TMEM132D: variants seen among roughly 807,000 people sequenced by gnomAD.
TMEM132D encodes mature OL transmembrane protein.
TMEM132D carries 21 observed loss-of-function variants against 62.3 expected under a neutral mutation model. The ratio of observed to expected loss-of-function variants is 0.34; its 90% CI spans 0.24 to 0.49. TMEM132D has a LOEUF of 0.49. Among genes scored for constraint, TMEM132D ranks in the 20% least tolerant of loss-of-function variants. The pLI is 0.99. For synonymous variants in TMEM132D, 621 were observed against 575.6 expected (o/e 1.08, Z -1.13); for missense variants, 1,346 against 1,402.8 (o/e 0.96, Z 0.65).
intron 3 of TMEM132D, among the ~76,000 whole-genome samples, chr12:129,518,564 T>TAC (rs1875750610): frequency 1.1e-5 from 1 of 89,062 alleles, no homozygotes; most frequent in African/African-American, 3.1e-5. Flanking sequence ...TGTGTATATA[T>TAC]ATACACACAC....
chr12:129,658,425 T>C (rs1880151279), intron 2 of TMEM132D, among the ~76,000 whole-genome samples: 1 of 152,238 alleles, frequency 6.6e-6, no homozygotes, highest in Non-Finnish European at 1.5e-5. Context: ...AACTTCTTAC[T>C]TAGTTTTGCA....
chr12:129,358,939 G>A (rs191259274), intron 3 of TMEM132D, among the ~76,000 whole-genome samples: 8 of 145,958 alleles, frequency 5.5e-5, no homozygotes, highest in Admixed American at 4.2e-4. Flanking sequence ...TGAGCTGTGG[G>A]TAGAAGAAAT....
chr12:129,607,532 G>A (rs965448867), intron 2 of TMEM132D, among the ~76,000 whole-genome samples: 7 of 152,156 alleles, frequency 4.6e-5, no homozygotes, highest in Admixed American at 3.9e-4. Context: ...TAGACTATCT[G>A]TCTTGGCCCA....
At chr12:129,680,517 C>T (rs1006838866) in intron 2 of TMEM132D, among the ~76,000 whole-genome samples, 3 of 152,128 alleles carry the variant, frequency 2.0e-5, no homozygotes, top group Non-Finnish European at 4.4e-5. Context: ...TGCTTATGAT[C>T]CATCTGCCTT....
intron 3 of TMEM132D, among the ~76,000 whole-genome samples, chr12:129,390,645 C>A (rs184213394): frequency 1.3e-5 from 2 of 152,146 alleles, no homozygotes; most frequent in Non-Finnish European, 2.9e-5. Flanking sequence ...CACAAGCCTG[C>A]GATTACCTCC....
intron 1 of TMEM132D, among the ~76,000 whole-genome samples, chr12:129,778,190 A>G (rs555412892): frequency 0.3 from 4,541 of 15,136 alleles, 249 homozygotes; most frequent in African/African-American, 0.31. Flanking sequence ...AGGAATCAGA[A>G]AAAAAAAACA....
intron 2 of TMEM132D, among the ~76,000 whole-genome samples, chr12:129,679,793 C>A (rs190116484): frequency 3.7e-4 from 57 of 152,060 alleles, no homozygotes; most frequent in Middle Eastern, 3.4e-3. Flanking sequence ...AAATTCCACC[C>A]ACTCTAAGAA....
At chr12:129,577,749 T>C (rs1171652506) in intron 2 of TMEM132D, among the ~76,000 whole-genome samples, 1 of 152,182 alleles carries the variant, frequency 6.6e-6, no homozygotes, top group East Asian at 1.9e-4. Context: ...TTTTTAAAAA[T>C]CTGCATGAGT....
intron 3 of TMEM132D, among the ~76,000 whole-genome samples, chr12:129,364,861 T>G (rs1041244867): frequency 5.3e-5 from 8 of 152,250 alleles, no homozygotes; most frequent in African/African-American, 1.9e-4. Context: ...CAGTCTCACC[T>G]AGACTGGAGA....
chr12:129,510,828 T>C (rs1421228494), intron 3 of TMEM132D, among the ~76,000 whole-genome samples: 2 of 152,222 alleles, frequency 1.3e-5, no homozygotes, highest in Admixed American at 1.3e-4. Flanking sequence ...TGTATGTTCT[T>C]GACACCATTG....
At chr12:129,221,498 T>C (rs1879345013) in intron 4 of TMEM132D, among the ~76,000 whole-genome samples, 1 of 152,164 alleles carries the variant, frequency 6.6e-6, no homozygotes, top group African/African-American at 2.4e-5. Context: ...GGCAGCAGGA[T>C]AGATTGCTCA....
At chr12:129,179,384 A>G (rs1443833236) in intron 5 of TMEM132D, among the ~76,000 whole-genome samples, 1 of 151,932 alleles carries the variant, frequency 6.6e-6, no homozygotes, top group Non-Finnish European at 1.5e-5. Flanking sequence ...GACAGCTGTA[A>G]GGAGATTCCA....
intron 1 of TMEM132D, among the ~76,000 whole-genome samples, chr12:129,828,800 G>A (rs1431897889): frequency 2.4e-5 from 3 of 122,474 alleles, no homozygotes; most frequent in East Asian, 2.7e-4. Flanking sequence ...GGGAGGGAGG[G>A]AGGAAAGGAA....
intron 4 of TMEM132D, among the ~76,000 whole-genome samples, chr12:129,273,830 A>G (rs1477834921): frequency 1.3e-5 from 2 of 151,488 alleles, no homozygotes; most frequent in African/African-American, 2.4e-5. Flanking sequence ...TGATGATGGG[A>G]TCGATTGTAC....
intron 1 of TMEM132D, among the ~76,000 whole-genome samples, chr12:129,833,097 T>C (rs1872893770): frequency 6.6e-6 from 1 of 152,188 alleles, no homozygotes; most frequent in Non-Finnish European, 1.5e-5. Context: ...GTGCAGGCTG[T>C]TCTGTGGTTT....
At chr12:129,082,229 C>A (rs1208276499) in intron 6 of TMEM132D, among the ~76,000 whole-genome samples, 197 bp from the exon 7 acceptor site, 1 of 152,204 alleles carries the variant, frequency 6.6e-6, no homozygotes, top group Non-Finnish European at 1.5e-5. Context: ...ATGGCCGGTG[C>A]AGCCAGCAGA....
chr12:129,612,439 C>A (rs1878801392), intron 2 of TMEM132D, among the ~76,000 whole-genome samples: 1 of 152,010 alleles, frequency 6.6e-6, no homozygotes, highest in Non-Finnish European at 1.5e-5. Context: ...ACATCTTAAG[C>A]AGTAAAAAAA....
intron 1 of TMEM132D, among the ~76,000 whole-genome samples, chr12:129,819,516 T>C (rs1040971869): frequency 6.6e-6 from 1 of 152,124 alleles, no homozygotes; most frequent in Non-Finnish European, 1.5e-5. Context: ...CCTGCGGCAT[T>C]CAGCACAAAA....
chr12:129,712,135 A>AT (rs1456504973), intron 1 of TMEM132D, among the ~76,000 whole-genome samples: 1 of 151,862 alleles, frequency 6.6e-6, no homozygotes, highest in Non-Finnish European at 1.5e-5. Flanking sequence ...TGTTATTATT[A>AT]TTTTTTTGAG....
Sources: gnomAD v4.1 joint callset for allele counts (sites outside exome capture counted in the v4.1 genomes callset) on GRCh38, gnomAD v4.1.1 for gene constraint, MANE v1.5 for transcripts, NCBI Gene and HGNC (gene_info 2026-07-23, HGNC 2026-07-21) for gene names.